SCN2A: variants seen among roughly 807,000 people sequenced by gnomAD.
SCN2A encodes the protein sodium channel protein type 2 subunit alpha.
A neutral mutation model predicts 188.7 loss-of-function variants in SCN2A; 20 were observed. The ratio of observed to expected loss-of-function variants is 0.11; its 90% CI spans 0.07 to 0.15. The LOEUF (loss-of-function observed/expected upper bound fraction) is 0.15. SCN2A is among the 10% of genes least tolerant of loss of function. The pLI is 1.00. For synonymous variants in SCN2A, 804 were observed against 833.1 expected (o/e 0.97, Z 0.60); for missense variants, 1,278 against 2,445.0 (o/e 0.52, Z 10.07).
chr2:165,310,647 T>C (rs760324230), intron 7 of SCN2A, 52 bp downstream of exon 7: 50 of 1,275,736 alleles, frequency 3.9e-5, no homozygotes, highest in Admixed American at 7.5e-5. Flanking sequence ...AAATATTAAA[T>C]ATTATATATA....
rs760733246 is a variant in SCN2A at position 165,389,395 on chromosome 2, G to C, written c.5589G>C (p.Lys1863Asn). The C allele has an allele frequency of 5.0e-6, 8 of 1,613,858 alleles. No homozygotes were observed. In the East Asian group the frequency reaches 1.8e-4, roughly 36 times the overall value. ...TTGACATCTTATTTGCTTTTACAAA[G>C]CGTGTTTTGGGTGAGAGTGGAGAGA... Reference protein sequence around the residue: ...HCLDILFAFTKRVLGESGEMD... With the variant: ...HCLDILFAFTNRVLGESGEMD... The change falls in exon 27 of 27, where the codon AAG (lysine) becomes AAC (asparagine). Residue 1863 changes from lysine to asparagine, a missense_variant. Lys to Asn is a moderately conservative substitution (Grantham distance 94). This residue lies in a region of SCN2A where 54 missense variants were observed against 135.4 expected (regional missense o/e 0.40). Coordinates refer to ENST00000375437, the MANE Select transcript of SCN2A (RefSeq NM_001040142.2). This position sits in a 1 kb window ranked among gnomAD's most constrained non-coding sequence, Gnocchi z 4.2.
intron 16 of SCN2A, among the ~76,000 whole-genome samples, chr2:165,346,443 T>C (rs1245370574): frequency 6.6e-6 from 1 of 152,126 alleles, no homozygotes; most frequent in Non-Finnish European, 1.5e-5. Flanking sequence ...CTTCATGCTT[T>C]ACAAATTTAA....
intron 3 of SCN2A, among the ~76,000 whole-genome samples, chr2:165,300,912 C>T (rs190654482): frequency 6.6e-6 from 1 of 151,732 alleles, no homozygotes; most frequent in Admixed American, 6.6e-5. Context: ...AGAGTGGAAG[C>T]AAGGAGACTG....
At chr2:165,262,922 G>T (rs548514697) in intron 1 of SCN2A, among the ~76,000 whole-genome samples, 4 of 152,018 alleles carry the variant, frequency 2.6e-5, no homozygotes, top group South Asian at 2.1e-4. Context: ...ATTATTTTTT[G>T]ATTGTATCAA....
intron 25 of SCN2A, among the ~76,000 whole-genome samples, chr2:165,386,048 A>G (rs541900946): frequency 2.6e-5 from 4 of 152,334 alleles, no homozygotes; most frequent in African/African-American, 9.6e-5. Flanking sequence ...TATACAATAT[A>G]CAAAATTTTC....
chr2:165,278,042 G>C (rs566807113), intron 1 of SCN2A, among the ~76,000 whole-genome samples: 1 of 152,212 alleles, frequency 6.6e-6, no homozygotes, highest in Non-Finnish European at 1.5e-5. Context: ...TACCCAGCTG[G>C]AAGGATGTGA....
chr2:165,279,242 G>A (rs918619456), intron 1 of SCN2A, among the ~76,000 whole-genome samples: 3 of 152,164 alleles, frequency 2.0e-5, no homozygotes, highest in African/African-American at 7.2e-5. Context: ...CTCAGGAGAC[G>A]AAGAGAGTCT....
intron 1 of SCN2A, chr2:165,271,592 T>C (rs1559328913): frequency 6.6e-6 from 1 of 152,184 alleles, no homozygotes; most frequent in Admixed American, 6.6e-5. Context: ...ACAATTTCCA[T>C]AAAATAAAAT....
chr2:165,323,354 A>G lies in SCN2A; in HGVS notation c.1870A>G (p.Asn624Asp). The G allele has an allele frequency of 6.2e-7, 1 of 1,614,168 alleles. No homozygotes were observed. Among genetic ancestry groups the G allele is most frequent in the Non-Finnish European group, 8.5e-7 (1 of 1,180,022 alleles). The change falls in exon 12 of 27, where the codon AAT becomes GAT. Residue 624 changes from asparagine to aspartate, a missense_variant. By Grantham distance (23) the Asn-to-Asp change is conservative (BLOSUM62 1). This residue lies in a region of SCN2A where 315 missense variants were observed against 386.6 expected (regional missense o/e 0.81). Transcript: ENST00000375437. ...CAGACATGGAGAACGGCGCCACAGC[A>G]ATGTCAGCCAGGCCAGCCGTGCCTC... ...PHRHGERRHS[N>D]VSQASRASRV...
intron 3 of SCN2A, among the ~76,000 whole-genome samples, chr2:165,305,066 A>G (rs1466808394): frequency 6.6e-6 from 1 of 152,230 alleles, no homozygotes; most frequent in Non-Finnish European, 1.5e-5. Context: ...TGGACCATGC[A>G]GTGATATGGG....
chr2:165,388,479 A>AC, intron 26 of SCN2A, 150 bp from the exon 27 acceptor site: 1 of 1,113,770 alleles, frequency 9.0e-7, no homozygotes, highest in Non-Finnish European at 1.3e-6. Flanking sequence ...TACCAGTTTC[A>AC]TTTTGCTCAA....
Position 165,386,850 on chromosome 2 carries a change from C to A in SCN2A, c.4656C>A (p.Thr1552=). 1.2e-6 allele frequency: 2 copies of A among 1,613,832 alleles called. No homozygotes were observed. The highest frequency in any genetic ancestry group is 1.7e-6 in the Non-Finnish European group (2 of 1,179,914). ...CLNMVTMMVE[T]DDQSQEMTNI... ...ACATGGTCACCATGATGGTGGAAAC[C>A]GATGACCAGAGTCAAGAAATGACAA... The change falls in exon 26 of 27, where the codon ACC becomes ACA. Residue 1552 remains threonine, a synonymous_variant. Transcript: ENST00000375437.
intron 1 of SCN2A, chr2:165,270,159 A>G (rs1429375207): frequency 6.6e-6 from 1 of 152,038 alleles, no homozygotes. Flanking sequence ...TTATTTCAAA[A>G]GTCCCCTCAA....
chr2:165,309,294 A>G (rs1271588479), intron 5 of SCN2A, 58 bp from the exon 6 acceptor site: 10 of 1,613,460 alleles, frequency 6.2e-6, no homozygotes, highest in Non-Finnish European at 8.5e-6. Flanking sequence ...GGCCCCTTAT[A>G]TCTCCAACTG....
intron 16 of SCN2A, among the ~76,000 whole-genome samples, chr2:165,346,581 G>C (rs1699599102): frequency 6.6e-6 from 1 of 152,148 alleles, no homozygotes; most frequent in African/African-American, 2.4e-5. Context: ...AAAAGCAATG[G>C]TAACAAAAGC....
chr2:165,323,330 A>G lies in SCN2A; in HGVS notation c.1846A>G (p.Arg616Gly), dbSNP rs772896106. 3.1e-6 allele frequency: 5 copies of G among 1,614,084 alleles called. No homozygotes were observed. Among genetic ancestry groups the G allele is most frequent in the Non-Finnish European group, 4.2e-6 (5 of 1,180,040 alleles). The change falls in exon 12 of 27, where the codon AGA becomes GGA. Residue 616 changes from arginine to glycine, a missense_variant. By Grantham distance (125) the Arg-to-Gly change is moderately radical (BLOSUM62 -2). Transcript: ENST00000375437. ...AAGAGACTCTCTGTTCGTGCCGCAC[A>G]GACATGGAGAACGGCGCCACAGCAA... ...SRRDSLFVPH[R>G]HGERRHSNVS...
intron 1 of SCN2A, among the ~76,000 whole-genome samples, chr2:165,256,284 G>A (rs1439692901): frequency 1.3e-5 from 2 of 151,746 alleles, no homozygotes; most frequent in Non-Finnish European, 2.9e-5. Context: ...GGATTACAGG[G>A]GTGAGCCACT....
At chr2:165,312,221 C>A (rs1697473649) in intron 8 of SCN2A, 133 bp downstream of exon 8, 1 of 710,754 alleles carries the variant, frequency 1.4e-6, no homozygotes. Flanking sequence ...CGGTGACTCT[C>A]AGAATAGCCA....
chr2:165,349,416 G>A (rs73969373), intron 16 of SCN2A, among the ~76,000 whole-genome samples: 2,347 of 152,252 alleles, frequency 0.015, 57 homozygotes, highest in African/African-American at 0.053. Context: ...ATACGTAGCA[G>A]GAGAATGCAG....
Sources: allele counts gnomAD v4.1 joint callset (sites outside exome capture counted in the v4.1 genomes callset), GRCh38; gene constraint gnomAD v4.1.1; regional missense constraint gnomAD v4.1.1; non-coding constraint Gnocchi (gnomAD v3.1); transcripts MANE v1.5; gene names NCBI Gene and HGNC (gene_info 2026-07-23, HGNC 2026-07-21).